Variants in ZNF705B observed in about 807,000 individuals in gnomAD.
The protein encoded by ZNF705B is zinc finger protein 705B, also known as Putative zinc finger protein 705D-like protein LOC100132396.
Under a neutral mutation model 10.5 loss-of-function variants are expected in ZNF705B, and 1 was observed. That is an observed-to-expected ratio of 0.10 (90% CI 0.03 to 0.45). The LOEUF is 0.45. ZNF705B is among the 20% of genes least tolerant of loss of function. The pLI, the probability that ZNF705B is intolerant of heterozygous loss-of-function variation, is 0.97. For missense variants in ZNF705B, 14 were observed against 84.0 expected (o/e 0.17, Z 3.26); for synonymous variants, 4 against 25.4 (o/e 0.16, Z 2.53).
intron 1 of ZNF705B, among the ~76,000 whole-genome samples, chr8:7,926,644 T>C (rs1281537105): frequency 1.0e-5 from 1 of 100,034 alleles, no homozygotes; most frequent in African/African-American, 2.8e-5. Flanking sequence ...AATGCAATAG[T>C]GTTAAGAAGC....
intron 1 of ZNF705B, among the ~76,000 whole-genome samples, chr8:7,929,359 G>C (rs1307502930): frequency 8.3e-6 from 1 of 121,102 alleles, no homozygotes; most frequent in African/African-American, 2.5e-5. Context: ...TTTAAAGGGT[G>C]GTTTTCTTTA....
rs7461208 is a variant in ZNF705B at position 7,932,056 on chromosome 8, C to T, written c.-72+1620C>T. ...CCACAGCTGCCTGTGTCTGGGGGCA[C>T]GTGCAGACGATCCAGTGCCAACTCC... On this transcript the variant is annotated intron_variant, in intron 2 of 6. Coordinates refer to ENST00000400120, the MANE Select transcript of ZNF705B (RefSeq NM_001193630.1). 2.5e-5 allele frequency among the ~76,000 whole-genome samples: 3 copies of T among 117,784 alleles called. 1 individual carries two copies. The highest frequency in any genetic ancestry group is 7.7e-5 in the African/African-American group (3 of 39,022). The allele number at this position is 117,784 out of a possible 152,430, so 77.3% of individuals were successfully genotyped here.
intron 2 of ZNF705B, among the ~76,000 whole-genome samples, chr8:7,940,719 T>C (rs2128944592): frequency 6.8e-6 from 1 of 147,144 alleles, no homozygotes; most frequent in East Asian, 2.0e-4. Flanking sequence ...GCCTATTTCA[T>C]ATAACCTAAT....
At chr8:7,937,210 A>G (rs1211160268) in intron 2 of ZNF705B, among the ~76,000 whole-genome samples, 1 of 118,710 alleles carries the variant, frequency 8.4e-6, no homozygotes, top group Non-Finnish European at 2.0e-5. Context: ...AAGGCTTGGT[A>G]TTCTGAGCCT....
intron 2 of ZNF705B, among the ~76,000 whole-genome samples, chr8:7,937,058 G>A (rs1820035280): frequency 8.6e-6 from 1 of 116,820 alleles, no homozygotes; most frequent in African/African-American, 2.6e-5. Flanking sequence ...TTTGCTTTAG[G>A]AACAAAAGAT....
At chr8:7,937,399 C>T (rs1436962132) in intron 2 of ZNF705B, among the ~76,000 whole-genome samples, 2 of 106,066 alleles carry the variant, frequency 1.9e-5, no homozygotes, top group Non-Finnish European at 4.5e-5. Context: ...TGTTGCATCC[C>T]ATTTTTGACT....
rs533052277 is a variant in ZNF705B, at chr8:7,927,482, C to T, written c.-222+1085C>T. On this transcript the variant is annotated intron_variant, in intron 1 of 6. Transcript: ENST00000400120. ...TGTCTTTTTTTGAGAAATGTCTGTT[C>T]ACATCCTTTGCCCACTTTTTGATGG... Among the ~76,000 whole-genome samples, 14 of 120,930 alleles carry T rather than the reference C, an allele frequency of 1.2e-4. 2 individuals are homozygous for T. In the South Asian group the frequency reaches 3.9e-3, roughly 34 times the overall value. The allele number at this position is 120,930 out of a possible 152,430, so 79.3% of individuals were successfully genotyped here. A position where few individuals can be genotyped will look rare whatever the true frequency, so the allele number is the denominator to read the frequency against.
chr8:7,933,152 G>A (rs1215901099), intron 2 of ZNF705B, among the ~76,000 whole-genome samples: 1 of 103,344 alleles, frequency 9.7e-6, no homozygotes, highest in African/African-American at 2.7e-5. Context: ...CCTAAAAAAT[G>A]GAAGAGTGGG....
chr8:7,929,068 G>A (rs5004606), intron 1 of ZNF705B, among the ~76,000 whole-genome samples: 1 of 121,142 alleles, frequency 8.3e-6, no homozygotes, highest in Admixed American at 9.4e-5. Flanking sequence ...AAAAAACTAT[G>A]TGTACCCCAA....
chr8:7,931,849 T>A (rs1304592134), intron 2 of ZNF705B, among the ~76,000 whole-genome samples: 1 of 126,066 alleles, frequency 7.9e-6, no homozygotes, highest in African/African-American at 2.5e-5. Flanking sequence ...GGACACTGTG[T>A]AGGCTAGAGT....
intron 1 of ZNF705B, among the ~76,000 whole-genome samples, chr8:7,928,469 T>G (rs1191273855): frequency 1.7e-5 from 2 of 120,690 alleles, no homozygotes; most frequent in South Asian, 5.6e-4. Context: ...GGAAGTAAGG[T>G]AACCAGACAG....
chr8:7,931,658 C>T (rs1481916252), intron 2 of ZNF705B, among the ~76,000 whole-genome samples: 1 of 123,608 alleles, frequency 8.1e-6, no homozygotes, highest in African/African-American at 2.5e-5. Flanking sequence ...CAGGTGAGTC[C>T]CCAGGTCCCC....
chr8:7,936,819 A>G (rs1469604684), intron 2 of ZNF705B, among the ~76,000 whole-genome samples: 2 of 120,092 alleles, frequency 1.7e-5, no homozygotes, highest in African/African-American at 5.1e-5. Flanking sequence ...ATATCACACA[A>G]TATATCCATG....
chr8:7,932,282 G>C (rs1242015108), intron 2 of ZNF705B, among the ~76,000 whole-genome samples: 1 of 120,968 alleles, frequency 8.3e-6, no homozygotes, highest in Non-Finnish European at 2.0e-5. Flanking sequence ...CTGGGCTGCT[G>C]CTTCATTTTC....
At chr8:7,932,826 G>A (rs1463273288) in intron 2 of ZNF705B, among the ~76,000 whole-genome samples, 2 of 107,244 alleles carry the variant, frequency 1.9e-5, no homozygotes, top group African/African-American at 5.3e-5. Context: ...ACCAAGGGGA[G>A]GCCCCCCAGT....
At chr8:7,930,098 A>T (rs1177906913) in intron 1 of ZNF705B, among the ~76,000 whole-genome samples, 189 bp from the exon 2 acceptor site, 2 of 109,842 alleles carry the variant, frequency 1.8e-5, no homozygotes, top group African/African-American at 5.3e-5. Flanking sequence ...GGTACTGAAC[A>T]TAGTACCAGA....
chr8:7,933,554 C>T (rs1819909363), intron 2 of ZNF705B, among the ~76,000 whole-genome samples: 1 of 37,734 alleles, frequency 2.7e-5, no homozygotes, highest in Non-Finnish European at 8.3e-5. Flanking sequence ...CATACATGTA[C>T]AGACCCAGGG....
intron 2 of ZNF705B, among the ~76,000 whole-genome samples, chr8:7,934,193 G>A (rs1289471654): frequency 1.5e-5 from 2 of 134,432 alleles, no homozygotes; most frequent in African/African-American, 5.2e-5. Context: ...ACCCACCTTG[G>A]CCTCCCAAAG....
At chr8:7,927,249 G>A (rs1176048214) in intron 1 of ZNF705B, among the ~76,000 whole-genome samples, 7 of 118,822 alleles carry the variant, frequency 5.9e-5, no homozygotes, top group Non-Finnish European at 1.2e-4. Context: ...AATTCCATGG[G>A]CCCTAAAAGG....
Sources: gnomAD v4.1 joint callset for allele counts (sites outside exome capture counted in the v4.1 genomes callset) on GRCh38, gnomAD v4.1.1 for gene constraint, MANE v1.5 for transcripts, NCBI Gene and HGNC (gene_info 2026-07-23, HGNC 2026-07-21) for gene names.